MRPL4: variants seen among roughly 807,000 people sequenced by gnomAD.
The protein encoded by MRPL4 is mitochondrial ribosomal protein L4, also known as large ribosomal subunit protein uL4m.
In MRPL4, 34 loss-of-function variants were observed where a neutral mutation model predicts 34.1. That is an observed-to-expected ratio of 1.00 (90% CI 0.76 to 1.33). The LOEUF is 1.33. Ranked by LOEUF, MRPL4 falls within the 40% of genes most tolerant of loss-of-function variation. The probability of loss-of-function intolerance (pLI) is 0.00; values close to 1 mark genes in which losing one functional copy is unlikely to be tolerated. For synonymous variants in MRPL4, 196 were observed against 188.3 expected (o/e 1.04, Z -0.33); for missense variants, 402 against 434.6 (o/e 0.92, Z 0.67).
At chr19:10,258,063 A>G (rs1269767089) in intron 5 of MRPL4, among the ~76,000 whole-genome samples, 159 bp from the exon 6 acceptor site, 1 of 152,010 alleles carries the variant, frequency 6.6e-6, no homozygotes, top group Non-Finnish European at 1.5e-5. Context: ...CACTGGTCCC[A>G]TGTTGTCCCT....
In MRPL4 at chr19:10,259,652, C is replaced by T. The variant is rs746305376; in HGVS notation, c.775C>T (p.Leu259=). The change falls in exon 9 of 9, where the codon CTG becomes TTG. Residue 259 remains leucine (L), a synonymous_variant. Transcript: ENST00000253099. Reference sequence around the variant, plus strand: ...GCACAGCATGCTCAAGCACCAGACGCTGGTCCTGACGCTGCCCACCGTCGC... The same window carrying T: ...GCACAGCATGCTCAAGCACCAGACGTTGGTCCTGACGCTGCCCACCGTCGC... The part of the protein sequence containing the change: ...NVHSMLKHQT[L]VLTLPTVAFL... 3.7e-6 allele frequency: 6 copies of T among 1,611,782 alleles called. No individual in the cohort carries two copies. In the South Asian group the frequency reaches 6.6e-5, roughly 18 times the overall value.
chr19:10,259,192 C>A, intron 8 of MRPL4: 1 of 1,301,218 alleles, frequency 7.7e-7, no homozygotes, highest in Non-Finnish European at 9.7e-7. Flanking sequence ...GCGACATGAG[C>A]CTAAGTCAAG....
chr19:10,254,491 G>C, intron 3 of MRPL4, 98 bp from the exon 4 acceptor site: 1 of 1,432,244 alleles, frequency 7.0e-7, no homozygotes, highest in Non-Finnish European at 9.7e-7. Context: ...AATCGCCCAG[G>C]GCCCTGGAGG....
Position 10,259,605 on chromosome 19 carries a change from C to T in MRPL4, c.740-12C>T. 1 of 1,517,364 alleles carries T rather than the reference C, an allele frequency of 6.6e-7. No individual in the cohort carries two copies. The allele number at this position is 1,517,364 out of a possible 1,614,324, so 94.0% of individuals were successfully genotyped here. A position where few individuals can be genotyped will look rare whatever the true frequency, so the allele number is the denominator to read the frequency against. On this transcript the variant is annotated splice_polypyrimidine_tract_variant and intron_variant, in intron 8 of 8. Coordinates refer to ENST00000253099, the MANE Select transcript of MRPL4 (RefSeq NM_015956.3). ...TGACCGGCCCCCCGCCCCGCCCCCA[C>T]CCCGCCCCCAGGCCTAAATGTGCAC... is the stretch of plus-strand genomic sequence containing the variant.
intron 8 of MRPL4, 99 bp downstream of exon 8, chr19:10,258,784 G>A (rs2039878269): frequency 6.2e-7 from 1 of 1,609,922 alleles, no homozygotes; most frequent in Non-Finnish European, 8.5e-7. Context: ...AGTGGCCTCA[G>A]GCAGTGACCA....
Position 10,252,678 on chromosome 19 carries a change from C to T in MRPL4, c.252C>T (p.Pro84=). 1.9e-6 allele frequency: 3 copies of T among 1,604,324 alleles called. No homozygotes were observed. Among genetic ancestry groups the T allele is most frequent in the Non-Finnish European group, 2.5e-6 (3 of 1,179,668 alleles). ...GCGTGGGCCTGGCCGACCTGCACCC[C>T]GATGTTTTCGCCACCGCGCCCAGGT... ...QERVGLADLH[P]DVFATAPRLD... The change falls in exon 3 of 9, where the codon CCC becomes CCT. Residue 84 remains proline, a synonymous_variant. Coordinates refer to ENST00000253099, the MANE Select transcript of MRPL4 (RefSeq NM_015956.3).
At chr19:10,258,548 CA>C in intron 7 of MRPL4, 26 bp downstream of exon 7, 1 of 1,614,136 alleles carries the variant, frequency 6.2e-7, no homozygotes, top group Non-Finnish European at 8.5e-7. Flanking sequence ...AGAGCAGGGG[CA>C]GGGGGCCCTG....
intron 5 of MRPL4, among the ~76,000 whole-genome samples, chr19:10,257,130 A>G (rs1477841765): frequency 6.6e-6 from 1 of 151,886 alleles, no homozygotes; most frequent in African/African-American, 2.4e-5. Flanking sequence ...CACTTCCCAC[A>G]GCACCCAGAG....
At chr19:10,254,798 C>T in intron 4 of MRPL4, 158 bp downstream of exon 4, 1 of 626,330 alleles carries the variant, frequency 1.6e-6, no homozygotes, top group East Asian at 3.2e-5. Flanking sequence ...TTTTGGTTCT[C>T]TTTTTTTTGT....
chr19:10,252,206 G>A (rs2358580), upstream of MRPL4: 445,892 of 1,522,950 alleles, frequency 0.29, 69,450 homozygotes, highest in Non-Finnish European at 0.32. Flanking sequence ...GGCGCCTCGC[G>A]AGGCTCCAGT....
In MRPL4 at chr19:10,259,623, A is replaced by G. The variant is rs1568286016; in HGVS notation, c.746A>G (p.Asn249Ser). Residue 249 changes from asparagine (N) to serine (S), a missense_variant, in exon 9 of 9, where the codon AAT (asparagine) becomes AGT (serine). Physicochemically the swap from Asn to Ser is conservative, Grantham distance 46 (BLOSUM62 1). Coordinates refer to ENST00000253099, the MANE Select transcript of MRPL4 (RefSeq NM_015956.3). Reference protein sequence around the residue: ...TFNLIPAVGLNVHSMLKHQTL... With the variant: ...TFNLIPAVGLSVHSMLKHQTL... ...GCCCCCACCCCGCCCCCAGGCCTAA[A>G]TGTGCACAGCATGCTCAAGCACCAG... 7.3e-7 allele frequency: 1 copy of G among 1,373,454 alleles called. No homozygotes were observed. The highest frequency in any genetic ancestry group is 2.0e-5 in the Admixed American group (1 of 49,556). 85.1% of individuals were successfully genotyped at this position (1,373,454 alleles called of 1,614,324 possible). A position where few individuals can be genotyped will look rare whatever the true frequency, so the allele number is the denominator to read the frequency against.
rs2145474943 is a variant in MRPL4 at position 10,258,695 on chromosome 19, G to T, written c.739+10G>T. The stretch of plus-strand genomic sequence containing the variant: ...TTGATCCCGGCTGTTGGTGAGCAAA[G>T]AGCCCAGGCCCCTAGAGTGCGCATG... On this transcript the variant is annotated intron_variant, in intron 8 of 8. Coordinates refer to ENST00000253099, the MANE Select transcript of MRPL4 (RefSeq NM_015956.3). 1 of 1,614,156 alleles carries T rather than the reference G, an allele frequency of 6.2e-7. No individual in the cohort carries two copies.
intron 5 of MRPL4, among the ~76,000 whole-genome samples, chr19:10,257,284 ACTCT>A (rs886960855): frequency 6.6e-6 from 1 of 151,324 alleles, no homozygotes; most frequent in Admixed American, 6.6e-5. Flanking sequence ...GGCAGAGATG[ACTCT>A]CTCTTGTTTT....
intron 2 of MRPL4, 26 bp downstream of exon 2, chr19:10,252,489 A>AG: frequency 6.2e-7 from 1 of 1,613,592 alleles, no homozygotes; most frequent in South Asian, 1.1e-5. Context: ...TGGCTCCAGG[A>AG]GGGGCGGCGA....
intron 5 of MRPL4, among the ~76,000 whole-genome samples, chr19:10,257,520 C>T (rs569763099): frequency 3.3e-5 from 5 of 152,104 alleles, no homozygotes; most frequent in Non-Finnish European, 5.9e-5. Flanking sequence ...TCTGCCCTGC[C>T]GGAATGTGAA....
rs1278837156 is a variant in MRPL4 at position 10,258,508 on chromosome 19, ACTC to A, written c.652_654del (p.Leu218del). On this transcript the variant is annotated inframe_deletion, in exon 7 of 9. Coordinates refer to ENST00000253099, the MANE Select transcript of MRPL4 (RefSeq NM_015956.3). The stretch of plus-strand genomic sequence containing the variant: ...ACTACCGCCGCTGGGGGGACTCCGT[ACTC>A]CTCGTGGACTTGTGAGGGCACAGGG... 2.4e-5 allele frequency: 38 copies of A among 1,613,206 alleles called. No homozygotes were observed. The highest frequency in any genetic ancestry group is 3.1e-5 in the Non-Finnish European group (37 of 1,179,902).
rs1283450485 is a variant in MRPL4 at position 10,259,948 on chromosome 19, A to G, written c.*135A>G. On this transcript the variant is annotated 3_prime_UTR_variant, in exon 9 of 9. Coordinates refer to ENST00000253099, the MANE Select transcript of MRPL4 (RefSeq NM_015956.3). ...GAAGCTGAGGCCACAGGGAGCGGCC[A>G]TCGCCATTGGGAAGGGGCGACTCCA... 9.2e-6 allele frequency: 7 copies of G among 758,196 alleles called. No homozygotes were observed. The Middle Eastern group carries it at 1.0e-3, about 110-fold the overall frequency. The allele number at this position is 758,196 out of a possible 1,614,324, so 47.0% of individuals were successfully genotyped here.
At chr19:10,257,134 C>G (rs1433104008) in intron 5 of MRPL4, among the ~76,000 whole-genome samples, 2 of 152,184 alleles carry the variant, frequency 1.3e-5, no homozygotes, top group Non-Finnish European at 2.9e-5. Context: ...TCCCACAGCA[C>G]CCAGAGAGCT....
In MRPL4 at chr19:10,259,861, A is replaced by G. The variant is rs745605349; in HGVS notation, c.*48A>G. On this transcript the variant is annotated 3_prime_UTR_variant, in exon 9 of 9. Transcript: ENST00000253099. ...AGGCCGAGCCCCTGGCCGACTTGGG[A>G]GCCTCAGGCCCACGCCCACCCTTCG... 41 of 1,528,536 alleles carry G rather than the reference A, an allele frequency of 2.7e-5. No homozygotes were observed. Among genetic ancestry groups the G allele is most frequent in the Non-Finnish European group, 3.5e-5 (39 of 1,119,282 alleles). 94.7% of individuals were successfully genotyped at this position (1,528,536 alleles called of 1,614,324 possible). A position where few individuals can be genotyped will look rare whatever the true frequency, so the allele number is the denominator to read the frequency against.
Sources: allele counts gnomAD v4.1 joint callset (sites outside exome capture counted in the v4.1 genomes callset), GRCh38; gene constraint gnomAD v4.1.1; transcripts MANE v1.5; gene names NCBI Gene and HGNC (gene_info 2026-07-23, HGNC 2026-07-21).